FAAH2: variants seen among roughly 807,000 people sequenced by gnomAD.
FAAH2 encodes fatty-acid amide hydrolase 2.
In FAAH2, 60 loss-of-function variants were observed where a neutral mutation model predicts 36.9. The ratio of observed to expected loss-of-function variants is 1.63; its 90% CI spans 1.32 to 2.02. The LOEUF is 2.02. FAAH2 is among the 30% of genes most tolerant of loss of function. The pLI is 0.00. For missense variants in FAAH2, 689 were observed against 397.5 expected, an observed-to-expected ratio of 1.73 and a Z score of -6.23; for synonymous variants, 214 against 143.8, an observed-to-expected ratio of 1.49 and a Z score of -3.49.
At chrX:57,358,882 G>T (rs1280740913) in intron 5 of FAAH2, among the ~76,000 whole-genome samples, 19 of 111,056 alleles carry the variant, frequency 1.7e-4, no homozygotes. Flanking sequence ...GTCAGCACTT[G>T]TGAGTTATTT....
chrX:57,179,654 C>T, the FAAH2 span, among the ~76,000 whole-genome samples: 19 of 111,410 alleles, frequency 1.7e-4, no homozygotes, highest in African/African-American at 6.2e-4. Flanking sequence ...AGTTAAAATC[C>T]CATACAATAA....
intron 10 of FAAH2, among the ~76,000 whole-genome samples, chrX:57,468,028 G>A (rs1346894709): frequency 8.9e-6 from 1 of 112,067 alleles, no homozygotes; most frequent in Non-Finnish European, 1.9e-5. Flanking sequence ...CAATCCTGCA[G>A]CTGATGGTCT....
chrX:57,133,102 C>G, the FAAH2 span, among the ~76,000 whole-genome samples: 1 of 111,766 alleles, frequency 8.9e-6, no homozygotes, highest in Non-Finnish European at 1.9e-5. Flanking sequence ...CCTTGTCTAT[C>G]TAGTTTCAGC....
At chrX:57,249,466 G>A in the FAAH2 span, among the ~76,000 whole-genome samples, 2 of 111,975 alleles carry the variant, frequency 1.8e-5, no homozygotes, top group Admixed American at 9.5e-5. Flanking sequence ...AAACTTCCAG[G>A]CCCCAGACCC....
intron 7 of FAAH2, 139 bp from the exon 8 acceptor site, chrX:57,431,779 G>GTTTTTTGT (rs1556012922): frequency 7.2e-5 from 6 of 83,562 alleles, no homozygotes; most frequent in African/African-American, 3.5e-4. Flanking sequence ...TTGTTTTTTT[G>GTTTTTTGT]TTTTTTTGTT....
intron 7 of FAAH2, chrX:57,395,468 G>A: frequency 4.0e-6 from 2 of 501,432 alleles, no homozygotes; most frequent in South Asian, 5.9e-5. Flanking sequence ...CAGTTCTTAG[G>A]AGGAATGCTT....
At chrX:57,280,057 A>G in the FAAH2 span, among the ~76,000 whole-genome samples, 1 of 111,922 alleles carries the variant, frequency 8.9e-6, no homozygotes. Flanking sequence ...TCTATAAAAT[A>G]TTGCTGAAGA....
chrX:57,122,492 A>G, the FAAH2 span, among the ~76,000 whole-genome samples: 2 of 112,553 alleles, frequency 1.8e-5, no homozygotes, highest in Non-Finnish European at 3.7e-5. Flanking sequence ...AAATAACTTT[A>G]TAAGAAATAA....
chrX:57,258,038 T>C, the FAAH2 span, among the ~76,000 whole-genome samples: 3 of 111,967 alleles, frequency 2.7e-5, no homozygotes, highest in South Asian at 7.4e-4. Flanking sequence ...GTTGCTGATT[T>C]CAAATTATAT....
the FAAH2 span, chrX:57,136,940 A>C: frequency 1.2e-6 from 1 of 839,484 alleles, no homozygotes; most frequent in South Asian, 3.1e-5. Flanking sequence ...GGCCTTGACC[A>C]GCACCCACTA....
intron 3 of FAAH2, among the ~76,000 whole-genome samples, chrX:57,323,596 A>AT (rs748049528): frequency 2.5e-3 from 271 of 107,103 alleles, no homozygotes; most frequent in African/African-American, 8.9e-3. Flanking sequence ...GATGATAAGC[A>AT]TTTTTTTCAT....
the FAAH2 span, among the ~76,000 whole-genome samples, chrX:57,257,441 G>C: frequency 1.8e-5 from 2 of 110,812 alleles, no homozygotes; most frequent in African/African-American, 6.6e-5. Context: ...ACTATCACAA[G>C]ATCAGAAAAC....
chrX:57,209,945 GT>G, the FAAH2 span, among the ~76,000 whole-genome samples: 345 of 104,313 alleles, frequency 3.3e-3, no homozygotes, highest in African/African-American at 0.01. Flanking sequence ...TAATTATGTG[GT>G]TTTTTTTTTT....
At chrX:57,383,070 A>G (rs930640706) in intron 7 of FAAH2, among the ~76,000 whole-genome samples, 7 of 111,980 alleles carry the variant, frequency 6.3e-5, no homozygotes, top group African/African-American at 2.3e-4. Flanking sequence ...AACCAAAGAC[A>G]AAAACCACAT....
At chrX:57,371,673 CAG>C (rs1459829347) in intron 5 of FAAH2, among the ~76,000 whole-genome samples, 18 of 107,519 alleles carry the variant, frequency 1.7e-4, no homozygotes, top group Admixed American at 1.2e-3. Flanking sequence ...ACTTCAGAAA[CAG>C]GGGATACATG....
At chrX:57,140,712 G>A in the FAAH2 span, among the ~76,000 whole-genome samples, 2 of 111,224 alleles carry the variant, frequency 1.8e-5, no homozygotes, top group African/African-American at 3.3e-5. Flanking sequence ...ATTATCCTAC[G>A]TGAATGAATG....
At chrX:57,137,467 A>G in the FAAH2 span, 1 of 456,217 alleles carries the variant, frequency 2.2e-6, no homozygotes, top group Non-Finnish European at 2.7e-6. Flanking sequence ...GCCACCCCTC[A>G]GCCACGTTGG....
chrX:57,171,418 T>A, the FAAH2 span, among the ~76,000 whole-genome samples: 1 of 112,004 alleles, frequency 8.9e-6, no homozygotes. Flanking sequence ...CATGCCAACA[T>A]CTATTGTTTT....
intron 10 of FAAH2, among the ~76,000 whole-genome samples, chrX:57,480,772 G>C (rs2057364889): frequency 9.0e-6 from 1 of 110,978 alleles, no homozygotes; most frequent in African/African-American, 3.3e-5. Flanking sequence ...TCCTGAATTT[G>C]AATGTTGGCC....
Sources: gnomAD v4.1 joint callset for allele counts (sites outside exome capture counted in the v4.1 genomes callset) on GRCh38, gnomAD v4.1.1 for gene constraint, MANE v1.5 for transcripts, NCBI Gene and HGNC (gene_info 2026-07-23, HGNC 2026-07-21) for gene names.